NRDC: variants seen among roughly 807,000 people sequenced by gnomAD.
The protein encoded by NRDC is nardilysin.
Under a neutral mutation model 147.1 loss-of-function variants are expected in NRDC, and 54 were observed. That is an observed-to-expected ratio of 0.37 (90% CI 0.29 to 0.46). The LOEUF (loss-of-function observed/expected upper bound fraction) is 0.46. Among genes scored for constraint, NRDC ranks in the 20% least tolerant of loss-of-function variants. The pLI is 1.00. For missense variants in NRDC, 1,082 were observed against 1,370.6 expected (o/e 0.79, Z 3.33); for synonymous variants, 440 against 482.1 (o/e 0.91, Z 1.14).
chr1:51,816,575 A>C (rs1340515812), intron 10 of NRDC, among the ~76,000 whole-genome samples, 186 bp from the exon 11 acceptor site: 1 of 152,122 alleles, frequency 6.6e-6, no homozygotes, highest in African/African-American at 2.4e-5. Flanking sequence ...AGTAAAATTA[A>C]CTCTTTCATT....
Position 51,818,135 on chromosome 1 carries a change from A to G in NRDC, c.1292T>C (p.Val431Ala). ...DTPAFNKLYR[V>A]VPIRKIHALT... Reference sequence around the variant, plus strand: ...AGCATGAATTTTTCTGATTGGAACAACTAAACAAAAATATTTTCCAGAAGA... The same window carrying G: ...AGCATGAATTTTTCTGATTGGAACAGCTAAACAAAAATATTTTCCAGAAGA... The change falls in exon 10 of 31, where the codon GTT (valine) becomes GCT (alanine). Residue 431 changes from valine (V) to alanine (A), a missense_variant and splice_region_variant. By Grantham distance (64) the Val-to-Ala change is moderately conservative (BLOSUM62 0). This residue lies in a region of NRDC where 635 missense variants were observed against 923.8 expected (regional missense o/e 0.69). Coordinates refer to ENST00000352171, the MANE Select transcript of NRDC (RefSeq NM_001101662.2). The G allele has an allele frequency of 6.3e-7, 1 of 1,595,586 alleles. No individual in the cohort carries two copies. The highest frequency in any genetic ancestry group is 2.2e-5 in the East Asian group (1 of 44,568).
At chr1:51,861,276 T>TTG (rs1432390261) in intron 1 of NRDC, among the ~76,000 whole-genome samples, 1 of 149,178 alleles carries the variant, frequency 6.7e-6, no homozygotes, top group African/African-American at 2.5e-5. Flanking sequence ...TTTTTTTTTT[T>TTG]TTTTTTTTGA....
At position 51,810,375 on chromosome 1, in the gene NRDC, A is replaced by C; in HGVS notation, c.1809T>G (p.Val603=). The C allele has an allele frequency of 6.2e-7, 1 of 1,612,604 alleles. No homozygotes were observed. Among genetic ancestry groups the C allele is most frequent in the East Asian group, 2.2e-5 (1 of 44,716 alleles). The change falls in exon 16 of 31, where the codon GTT becomes GTG. Residue 603 remains valine, a synonymous_variant. Transcript: ENST00000352171. Reference sequence around the variant, plus strand: ...GTAAAACAAGATTTGCTTTTTGAGGAACTAGCTGATTCAAGGCTTCACCAA... The same window carrying C: ...GTAAAACAAGATTTGCTTTTTGAGGCACTAGCTGATTCAAGGCTTCACCAA... ...EVIGEALNQL[V]PQKANLVLLS...
chr1:51,844,366 T>C (rs757410988), intron 1 of NRDC, among the ~76,000 whole-genome samples: 1 of 152,080 alleles, frequency 6.6e-6, no homozygotes, highest in Non-Finnish European at 1.5e-5. Flanking sequence ...CCAATCTGAA[T>C]GGTATCCTTA....
At chr1:51,855,868 G>A (rs1236484856) in intron 1 of NRDC, among the ~76,000 whole-genome samples, 1 of 151,562 alleles carries the variant, frequency 6.6e-6, no homozygotes, top group African/African-American at 2.4e-5. Context: ...TGGAGACTCT[G>A]TGTCAAAAAA....
Position 51,792,335 on chromosome 1 carries a change from CAG to C in NRDC, c.2823+40_2823+41del, listed in dbSNP as rs774695143. The C allele has an allele frequency of 2.9e-5, 47 of 1,602,174 alleles. 1 individual carries two copies. The Middle Eastern group carries it at 8.3e-4, about 28-fold the overall frequency. The stretch of plus-strand genomic sequence containing the variant: ...GAAAAGGCCGGGCCTCATAGTGGGT[CAG>C]GGGCTGCTGAAAACCTCAGCATCTC... On this transcript the variant is annotated intron_variant, in intron 25 of 30. Coordinates refer to ENST00000352171, the MANE Select transcript of NRDC (RefSeq NM_001101662.2).
chr1:51,843,989 C>A (rs1470865844), intron 1 of NRDC, among the ~76,000 whole-genome samples: 1 of 152,024 alleles, frequency 6.6e-6, no homozygotes, highest in Non-Finnish European at 1.5e-5. Context: ...TCAAAATAAT[C>A]CTATGCATTC....
chr1:51,855,854 CAGAT>C (rs146525435), intron 1 of NRDC, among the ~76,000 whole-genome samples: 2,314 of 151,688 alleles, frequency 0.015, 64 homozygotes, highest in African/African-American at 0.053. Context: ...GCATGGGTGA[CAGAT>C]GGAGACTCTG....
chr1:51,817,619 G>A (rs1426433012), intron 10 of NRDC, among the ~76,000 whole-genome samples: 3 of 152,106 alleles, frequency 2.0e-5, no homozygotes, highest in African/African-American at 7.2e-5. Flanking sequence ...TCAACTCACT[G>A]CAACCTCCAC....
rs567582115 is a variant in NRDC at position 51,828,158 on chromosome 1, C to T, written c.867-289G>A. Among the ~76,000 whole-genome samples, 5 of 152,356 alleles carry T rather than the reference C, an allele frequency of 3.3e-5. No individual in the cohort carries two copies. The South Asian group carries it at 1.0e-3, about 32-fold the overall frequency. ...GTGAAGAAACAGACCATAGTCAACACTCTAGAAGCACCCAGCTCCTACCCT... is the reference window on the plus strand; with the variant it reads ...GTGAAGAAACAGACCATAGTCAACATTCTAGAAGCACCCAGCTCCTACCCT... On this transcript the variant is annotated intron_variant, in intron 4 of 30. Transcript: ENST00000352171.
At chr1:51,869,983 A>T (rs1683006919) in intron 1 of NRDC, among the ~76,000 whole-genome samples, 1 of 152,220 alleles carries the variant, frequency 6.6e-6, no homozygotes, top group Non-Finnish European at 1.5e-5. Flanking sequence ...ACTGGGCTCA[A>T]GCCATCCTCC....
chr1:51,794,158 C>A, intron 24 of NRDC: 1 of 258,848 alleles, frequency 3.9e-6, no homozygotes, highest in Non-Finnish European at 7.5e-6. Context: ...GTCTTCTTTT[C>A]AAAACTGCCC....
chr1:51,792,292 A>G (rs1407257936), intron 25 of NRDC, 85 bp downstream of exon 25: 1 of 1,429,748 alleles, frequency 7.0e-7, no homozygotes, highest in African/African-American at 1.4e-5. Flanking sequence ...TGACTACCCC[A>G]TGTCCCTAAC....
chr1:51,815,888 C>T (rs1471893015), intron 11 of NRDC: 1 of 152,424 alleles, frequency 6.6e-6, no homozygotes, highest in African/African-American at 2.4e-5. Flanking sequence ...TGCAGTCCCA[C>T]CTATTAACTA....
intron 2 of NRDC, chr1:51,837,538 G>GT (rs778928255): frequency 9.4e-6 from 15 of 1,592,156 alleles, no homozygotes; most frequent in Non-Finnish European, 1.3e-5. Flanking sequence ...GACCAGCAGG[G>GT]TTGAAGACAT....
At chr1:51,848,975 G>A (rs1299739764) in intron 1 of NRDC, among the ~76,000 whole-genome samples, 1 of 152,122 alleles carries the variant, frequency 6.6e-6, no homozygotes, top group Non-Finnish European at 1.5e-5. Flanking sequence ...CTTTACAGGT[G>A]AAATGAAAGA....
At chr1:51,834,796 T>C (rs967240053) in intron 3 of NRDC, among the ~76,000 whole-genome samples, 4 of 152,268 alleles carry the variant, frequency 2.6e-5, no homozygotes, top group African/African-American at 9.6e-5. Flanking sequence ...ATTAATTAGA[T>C]TAAAATTCAA....
intron 20 of NRDC, among the ~76,000 whole-genome samples, chr1:51,803,214 C>G (rs1679288380): frequency 1.3e-5 from 2 of 152,282 alleles, no homozygotes; most frequent in Admixed American, 6.5e-5. Flanking sequence ...GTGGCTCACG[C>G]CTATAATCCC....
At chr1:51,809,509 G>C in intron 16 of NRDC, 108 bp from the exon 17 acceptor site, 1 of 806,002 alleles carries the variant, frequency 1.2e-6, no homozygotes, top group Non-Finnish European at 2.2e-6. Flanking sequence ...CCTTTCTCAG[G>C]AATACTGTGA....
Sources: allele counts gnomAD v4.1 joint callset (sites outside exome capture counted in the v4.1 genomes callset), GRCh38; gene constraint gnomAD v4.1.1; regional missense constraint gnomAD v4.1.1; transcripts MANE v1.5; gene names NCBI Gene and HGNC (gene_info 2026-07-23, HGNC 2026-07-21).